CLVS1: variants seen among roughly 807,000 people sequenced by gnomAD.
CLVS1 encodes the protein clavesin-1.
A neutral mutation model predicts 33.1 loss-of-function variants in CLVS1; 10 were observed. That is an observed-to-expected ratio of 0.30 (90% CI 0.19 to 0.51). The LOEUF (loss-of-function observed/expected upper bound fraction) is 0.51. CLVS1 is among the 20% of genes least tolerant of loss of function. CLVS1 has a pLI of 0.97. For missense variants in CLVS1, 343 were observed against 433.4 expected (o/e 0.79, Z 1.85); for synonymous variants, 163 against 166.1 (o/e 0.98, Z 0.14).
intron 1 of CLVS1, among the ~76,000 whole-genome samples, chr8:61,126,003 T>C (rs1805962059): frequency 6.6e-6 from 1 of 152,048 alleles, no homozygotes; most frequent in African/African-American, 2.4e-5. Flanking sequence ...TAGTTGATTG[T>C]GGAAGAATGA....
chr8:61,317,228 A>G (rs1010623993), intron 2 of CLVS1, among the ~76,000 whole-genome samples: 1 of 152,160 alleles, frequency 6.6e-6, no homozygotes, highest in Non-Finnish European at 1.5e-5. Flanking sequence ...TGCTTCCAAG[A>G]TGGTGTCCTG....
At chr8:61,164,494 A>T (rs1806815638) in intron 2 of CLVS1, among the ~76,000 whole-genome samples, 1 of 152,066 alleles carries the variant, frequency 6.6e-6, no homozygotes, top group African/African-American at 2.4e-5. Flanking sequence ...TTGCCCCAAC[A>T]TCTGTCTGAC....
At chr8:61,219,432 G>A (rs1028709727) in intron 2 of CLVS1, among the ~76,000 whole-genome samples, 23 of 152,212 alleles carry the variant, frequency 1.5e-4, no homozygotes, top group Admixed American at 7.2e-4. Flanking sequence ...GTTTGCTGAG[G>A]ATGATGGCTT....
intron 5 of CLVS1, among the ~76,000 whole-genome samples, chr8:61,490,792 C>T (rs1472146332): frequency 1.3e-5 from 2 of 151,536 alleles, no homozygotes; most frequent in Admixed American, 6.6e-5. Context: ...AACCCCGTCT[C>T]TACTAAAAAT....
intron 2 of CLVS1, chr8:61,300,926 T>C (rs1810406753): frequency 6.6e-6 from 1 of 152,200 alleles, no homozygotes; most frequent in African/African-American, 2.4e-5. Flanking sequence ...CCTACCACTT[T>C]CTTCTTATAA....
In CLVS1 at chr8:61,240,759, A is replaced by AC. The variant is rs147424715; in HGVS notation, c.-151-58913dup. ...TTATTTTTTTCACCTGTATGCTCCC[A>AC]CCCCCATCTTACTGCACTGGCTAAA... On this transcript the variant is annotated intron_variant, in intron 2 of 2. Coordinates refer to the CLVS1 transcript ENST00000522621. 3.8e-3 allele frequency among the ~76,000 whole-genome samples: 578 copies of AC among 151,888 alleles called. 1 individual carries two copies. Among genetic ancestry groups the AC allele is most frequent in the African/African-American group, 0.011 (475 of 41,412 alleles).
chr8:61,288,278 C>T lies in CLVS1; in HGVS notation c.-152+140C>T, dbSNP rs1379876709. Reference sequence around the variant, plus strand: ...TCTGCAATCCCTCTGCACTCCATCCCTCCCGCACCGCACCCCGCTCCCCGC... The same window carrying T: ...TCTGCAATCCCTCTGCACTCCATCCTTCCCGCACCGCACCCCGCTCCCCGC... On this transcript the variant is annotated intron_variant, in intron 1 of 5. Coordinates refer to ENST00000325897, the MANE Select transcript of CLVS1 (RefSeq NM_173519.3). 1.3e-5 allele frequency: 6 copies of T among 456,348 alleles called. No homozygotes were observed. In the Admixed American group the frequency reaches 1.4e-4, roughly 11 times the overall value. 28.3% of individuals were successfully genotyped at this position (456,348 alleles called of 1,614,324 possible).
intron 1 of CLVS1, among the ~76,000 whole-genome samples, chr8:61,094,562 G>A (rs185973811): frequency 9.2e-5 from 14 of 152,260 alleles, no homozygotes; most frequent in African/African-American, 1.7e-4. Flanking sequence ...AAATTCACAC[G>A]TTGAAGCCCA....
At chr8:61,056,377 A>C (rs10504317), upstream of CLVS1, among the ~76,000 whole-genome samples, 1 of 152,142 alleles carries the variant, frequency 6.6e-6, no homozygotes, top group Non-Finnish European at 1.5e-5. Context: ...ACATCTTAAC[A>C]TCTTGGTCTC....
intron 2 of CLVS1, among the ~76,000 whole-genome samples, chr8:61,151,781 A>C (rs1295192142): frequency 6.6e-6 from 1 of 152,218 alleles, no homozygotes; most frequent in Non-Finnish European, 1.5e-5. Flanking sequence ...TCCTGAAAGA[A>C]GTAGTTTCTA....
chr8:61,069,365 G>A (rs1329480269), intron 1 of CLVS1, among the ~76,000 whole-genome samples: 2 of 152,250 alleles, frequency 1.3e-5, no homozygotes, highest in East Asian at 1.9e-4. Context: ...CAGTAAGAGC[G>A]ACACTAAATC....
chr8:61,178,001 G>A (rs1406798997), intron 2 of CLVS1, among the ~76,000 whole-genome samples: 2 of 152,064 alleles, frequency 1.3e-5, no homozygotes, highest in East Asian at 1.9e-4. Context: ...TGAGATGGAC[G>A]AATTGACAGA....
intron 2 of CLVS1, among the ~76,000 whole-genome samples, chr8:61,214,927 C>T (rs2129308204): frequency 6.6e-6 from 1 of 152,304 alleles, no homozygotes; most frequent in East Asian, 1.9e-4. Context: ...TTTTGAATAC[C>T]TCTCATACTT....
At chr8:61,486,167 G>T (rs1393315369) in intron 5 of CLVS1, among the ~76,000 whole-genome samples, 1 of 152,040 alleles carries the variant, frequency 6.6e-6, no homozygotes, top group Non-Finnish European at 1.5e-5. Context: ...GGGTCAGAGG[G>T]AATGGGAACA....
chr8:61,456,136 G>A (rs530466417), intron 4 of CLVS1, among the ~76,000 whole-genome samples: 2 of 152,196 alleles, frequency 1.3e-5, no homozygotes, highest in African/African-American at 4.8e-5. Context: ...CCATGCCATA[G>A]GTGGGCATTT....
chr8:61,279,603 C>T (rs1311250740), intron 2 of CLVS1, among the ~76,000 whole-genome samples: 1 of 145,728 alleles, frequency 6.9e-6, no homozygotes, highest in Non-Finnish European at 1.5e-5. Context: ...CATAACTCCC[C>T]TCTGATGCCC....
At chr8:61,223,186 T>C (rs1045590113) in intron 2 of CLVS1, among the ~76,000 whole-genome samples, 8 of 152,186 alleles carry the variant, frequency 5.3e-5, no homozygotes, top group Non-Finnish European at 1.0e-4. Context: ...CATTTAAGGT[T>C]TGTACTGTTA....
intron 2 of CLVS1, among the ~76,000 whole-genome samples, chr8:61,143,519 CA>C (rs1378224137): frequency 6.6e-6 from 1 of 152,066 alleles, no homozygotes; most frequent in Non-Finnish European, 1.5e-5. Context: ...TTACTAGTAG[CA>C]AACACCTATT....
intron 5 of CLVS1, among the ~76,000 whole-genome samples, chr8:61,461,540 G>T (rs953730692): frequency 2.0e-5 from 3 of 152,068 alleles, no homozygotes; most frequent in Admixed American, 2.0e-4. Flanking sequence ...TATAATATGC[G>T]TTTTCCATGA....
Sources: gnomAD v4.1 joint callset for allele counts (sites outside exome capture counted in the v4.1 genomes callset) on GRCh38, gnomAD v4.1.1 for gene constraint, MANE v1.5 for transcripts, NCBI Gene and HGNC (gene_info 2026-07-23, HGNC 2026-07-21) for gene names.